The following LRRC3B variants were observed in gnomAD, a reference collection of about 807,000 sequenced individuals.
The protein encoded by LRRC3B is leucine rich repeat containing 3B.
Under a neutral mutation model 12.8 loss-of-function variants are expected in LRRC3B, and 2 were observed. The observed-to-expected ratio is 0.16, with a 90% confidence interval of 0.06 to 0.49. The LOEUF (loss-of-function observed/expected upper bound fraction) is 0.49. Ranked by LOEUF, LRRC3B falls within the 20% of genes least tolerant of loss-of-function variation. The pLI is 0.96. For missense variants in LRRC3B, 189 were observed against 319.4 expected (o/e 0.59, Z 3.11); for synonymous variants, 132 against 122.0 (o/e 1.08, Z -0.54).
chr3:26,666,667 T>C (rs1478281007), intron 1 of LRRC3B, among the ~76,000 whole-genome samples: 1 of 152,162 alleles, frequency 6.6e-6, no homozygotes, highest in Admixed American at 6.5e-5. Context: ...TTCTGGTACA[T>C]TTGCCACAAT....
intron 1 of LRRC3B, among the ~76,000 whole-genome samples, chr3:26,648,905 C>A (rs896934949): frequency 1.3e-5 from 2 of 152,200 alleles, no homozygotes; most frequent in Non-Finnish European, 2.9e-5. Flanking sequence ...TCAAAGCTTA[C>A]ATTCCTCCCT....
chr3:26,679,048 A>G (rs780740645), intron 1 of LRRC3B, among the ~76,000 whole-genome samples: 48 of 152,350 alleles, frequency 3.2e-4, no homozygotes, highest in Non-Finnish European at 5.3e-4. Context: ...ATAAGACAGC[A>G]TAGGATTGTT....
intron 1 of LRRC3B, among the ~76,000 whole-genome samples, chr3:26,699,829 C>T (rs1700409864): frequency 6.6e-6 from 1 of 152,166 alleles, no homozygotes; most frequent in Non-Finnish European, 1.5e-5. Flanking sequence ...CCCACTCAGT[C>T]TCCCTATAAA....
At chr3:26,651,238 A>G (rs796758390) in intron 1 of LRRC3B, among the ~76,000 whole-genome samples, 2 of 152,340 alleles carry the variant, frequency 1.3e-5, no homozygotes, top group African/African-American at 4.8e-5. Flanking sequence ...GTTTTAGTGA[A>G]GAACAATTTT....
intron 1 of LRRC3B, among the ~76,000 whole-genome samples, chr3:26,636,922 CTTTCTT>C (rs1559350291): frequency 4.9e-5 from 3 of 61,418 alleles, no homozygotes; most frequent in African/African-American, 2.2e-4. Flanking sequence ...TTCTCTCTTT[CTTTCTT>C]TCTTTCTTTC....
intron 1 of LRRC3B, among the ~76,000 whole-genome samples, chr3:26,697,605 A>G (rs1039444271): frequency 1.3e-5 from 2 of 152,144 alleles, no homozygotes; most frequent in Non-Finnish European, 2.9e-5. Flanking sequence ...ATCATAATCT[A>G]TCCTCTGATT....
At chr3:26,658,611 A>T (rs1276154460) in intron 1 of LRRC3B, among the ~76,000 whole-genome samples, 2 of 152,366 alleles carry the variant, frequency 1.3e-5, no homozygotes, top group East Asian at 3.9e-4. Context: ...CTCATTCTTT[A>T]TACAAAACAC....
intron 1 of LRRC3B, among the ~76,000 whole-genome samples, chr3:26,636,918 CTTTCTTTCTTTCTTTCTTTCTTTCTT>C (rs1698901009): frequency 2.1e-5 from 1 of 47,838 alleles, no homozygotes; most frequent in African/African-American, 1.4e-4. Context: ...CTCTTTCTCT[CTTTCTTTCTTTCTTTCTTTCTTTCTT>C]TCTTTCTTTC....
chr3:26,636,894 C>A (rs1257889935), intron 1 of LRRC3B, among the ~76,000 whole-genome samples: 2 of 108,866 alleles, frequency 1.8e-5, no homozygotes, highest in Admixed American at 9.6e-5. Flanking sequence ...TCCTTTCTCT[C>A]TCTCTCTCTT....
chr3:26,658,942 A>G (rs1256565806), intron 1 of LRRC3B, among the ~76,000 whole-genome samples: 24 of 152,242 alleles, frequency 1.6e-4, no homozygotes, highest in Admixed American at 1.6e-3. Context: ...GGATCTGCAG[A>G]CAATTAAGGA....
intron 1 of LRRC3B, among the ~76,000 whole-genome samples, chr3:26,697,815 A>G (rs1389544928): frequency 6.6e-6 from 1 of 152,160 alleles, no homozygotes; most frequent in Non-Finnish European, 1.5e-5. Context: ...ATTTCTTTCT[A>G]TTTTTAAAGT....
At chr3:26,696,389 A>G (rs377065080) in intron 1 of LRRC3B, among the ~76,000 whole-genome samples, 1 of 152,350 alleles carries the variant, frequency 6.6e-6, no homozygotes, top group South Asian at 2.1e-4. Flanking sequence ...TACAGGGGCT[A>G]ATCTCTGTGG....
intron 1 of LRRC3B, among the ~76,000 whole-genome samples, chr3:26,697,454 C>T (rs1700346060): frequency 6.6e-6 from 1 of 152,114 alleles, no homozygotes; most frequent in Non-Finnish European, 1.5e-5. Flanking sequence ...ACATTTAGGG[C>T]TCATCCAGAT....
intron 1 of LRRC3B, chr3:26,625,564 C>G (rs186434962): frequency 7.2e-5 from 11 of 152,186 alleles, no homozygotes; most frequent in Admixed American, 2.6e-4. Flanking sequence ...TCTGACCCCC[C>G]CAAGGCTCAT....
intron 1 of LRRC3B, chr3:26,624,683 G>A (rs1698584590): frequency 6.6e-6 from 1 of 152,622 alleles, no homozygotes; most frequent in Admixed American, 6.5e-5. Context: ...GCAGAGCTAG[G>A]AGGTGTGGGC....
intron 1 of LRRC3B, among the ~76,000 whole-genome samples, chr3:26,660,972 G>T (rs2125422797): frequency 6.6e-6 from 1 of 152,256 alleles, no homozygotes; most frequent in South Asian, 2.1e-4. Flanking sequence ...CCATGTAAGA[G>T]TTACTTTTTA....
At chr3:26,677,611 G>A (rs189120599) in intron 1 of LRRC3B, among the ~76,000 whole-genome samples, 7 of 152,264 alleles carry the variant, frequency 4.6e-5, no homozygotes, top group Middle Eastern at 6.8e-3. Flanking sequence ...ATAGACCTTC[G>A]AAGAATATTT....
chr3:26,683,248 G>A (rs1044244738), intron 1 of LRRC3B, among the ~76,000 whole-genome samples: 21 of 152,222 alleles, frequency 1.4e-4, no homozygotes, highest in African/African-American at 4.6e-4. Context: ...GTCCCATCAA[G>A]GAAGGAGACA....
intron 1 of LRRC3B, among the ~76,000 whole-genome samples, chr3:26,638,579 ACCTG>A (rs1278044478): frequency 6.6e-6 from 1 of 152,192 alleles, no homozygotes; most frequent in African/African-American, 2.4e-5. Flanking sequence ...GAAAAATAAG[ACCTG>A]CAGATGGGAT....
Sources: gnomAD v4.1 joint callset for allele counts (sites outside exome capture counted in the v4.1 genomes callset) on GRCh38, gnomAD v4.1.1 for gene constraint, MANE v1.5 for transcripts, NCBI Gene and HGNC (gene_info 2026-07-23, HGNC 2026-07-21) for gene names.